Variants in MSI2 observed in about 807,000 individuals in gnomAD.
MSI2 encodes the protein RNA-binding protein Musashi homolog 2.
A neutral mutation model predicts 45.6 loss-of-function variants in MSI2; 17 were observed. That is an observed-to-expected ratio of 0.37 (90% CI 0.26 to 0.56). The LOEUF (loss-of-function observed/expected upper bound fraction) is 0.56, where lower values mean the gene tolerates loss of function less well. Ranked by LOEUF, MSI2 falls within the 20% of genes least tolerant of loss-of-function variation. The pLI, the probability that MSI2 is intolerant of heterozygous loss-of-function variation, is 0.77. For missense variants in MSI2, 293 were observed against 444.2 expected, an observed-to-expected ratio of 0.66 and a Z score of 3.06; for synonymous variants, 156 against 158.2, an observed-to-expected ratio of 0.99 and a Z score of 0.11.
At chr17:57,450,311 G>GAA (rs1479899905) in intron 6 of MSI2, 14 of 134,604 alleles carry the variant, frequency 1.0e-4, no homozygotes, top group South Asian at 1.0e-3. Flanking sequence ...AAGAAAGAAA[G>GAA]AAAGAAAGAA....
At chr17:57,696,299 A>T in the MSI2 span, among the ~76,000 whole-genome samples, 35 of 152,316 alleles carry the variant, frequency 2.3e-4, 1 homozygote, top group African/African-American at 7.9e-4. Flanking sequence ...TGGAAGGCTG[A>T]GTGTGGAGCT....
intron 5 of MSI2, among the ~76,000 whole-genome samples, chr17:57,393,075 T>C (rs933695770): frequency 6.6e-6 from 1 of 152,170 alleles, no homozygotes; most frequent in Non-Finnish European, 1.5e-5. Flanking sequence ...ATGCAACTAC[T>C]AATTTACCTG....
At position 57,676,768 on chromosome 17, in the gene MSI2, G is replaced by A. The variant is rs190361932; in HGVS notation, c.946-219G>A. On this transcript the variant is annotated intron_variant, in intron 12 of 13. Transcript: ENST00000284073. ...TGAATCTGGCTTTTGGTTTCCCCCG[G>A]GGTAAGCAGATAGGCTTGGTAGGGG... Among the ~76,000 whole-genome samples the A allele has an allele frequency of 2.5e-3, 375 of 152,324 alleles. 1 individual carries two copies. Among genetic ancestry groups the A allele is most frequent in the African/African-American group, 8.5e-3 (353 of 41,580 alleles).
chr17:57,370,818 A>G (rs1182632181), intron 5 of MSI2, among the ~76,000 whole-genome samples: 1 of 152,310 alleles, frequency 6.6e-6, no homozygotes, highest in East Asian at 1.9e-4. Flanking sequence ...GGATGCACAG[A>G]TCCCTGGTGC....
chr17:57,524,124 C>T (rs1488044910), intron 6 of MSI2, among the ~76,000 whole-genome samples: 2 of 152,260 alleles, frequency 1.3e-5, no homozygotes, highest in Non-Finnish European at 2.9e-5. Context: ...CATCCTGCAT[C>T]AGGCTAGCCT....
intron 8 of MSI2, among the ~76,000 whole-genome samples, chr17:57,603,571 T>G (rs563808858): frequency 1.4e-4 from 22 of 152,334 alleles, no homozygotes; most frequent in African/African-American, 4.6e-4. Flanking sequence ...TTGGGTAGCC[T>G]TGAAGGAATC....
chr17:57,378,880 A>T (rs1435979801), intron 5 of MSI2, among the ~76,000 whole-genome samples: 1 of 152,318 alleles, frequency 6.6e-6, no homozygotes. Flanking sequence ...TGACTGGGAC[A>T]GTAAATGAGT....
chr17:57,693,554 T>A, the MSI2 span, among the ~76,000 whole-genome samples: 1 of 152,260 alleles, frequency 6.6e-6, no homozygotes, highest in Non-Finnish European at 1.5e-5. Flanking sequence ...CATTTCTGTT[T>A]GACTCTTTCT....
intron 2 of MSI2, 83 bp downstream of exon 2, chr17:57,257,221 C>T (rs1225594450): frequency 2.2e-5 from 11 of 497,334 alleles, no homozygotes; most frequent in East Asian, 5.7e-5. Flanking sequence ...TAGGAGCCCC[C>T]CCCCCCCCGC....
chr17:57,454,420 CTT>C (rs1370910540), intron 6 of MSI2, among the ~76,000 whole-genome samples: 1 of 149,950 alleles, frequency 6.7e-6, no homozygotes, highest in Non-Finnish European at 1.5e-5. Flanking sequence ...CTCTCTCTCT[CTT>C]TTTCTTTTTC....
At chr17:57,566,061 T>C (rs1464238991) in intron 7 of MSI2, 2 of 152,158 alleles carry the variant, frequency 1.3e-5, no homozygotes, top group Non-Finnish European at 2.9e-5. Flanking sequence ...TGTGTGAAGA[T>C]GTCACATCTG....
Position 57,566,732 on chromosome 17 carries a change from G to C in MSI2, c.455-30136G>C, listed in dbSNP as rs180706540. ...GGCAGAGCTGAGAAAAGAACTCAACGAAGCTGGGCTTGCCCGAGAGACTGC... is the reference window on the plus strand; with the variant it reads ...GGCAGAGCTGAGAAAAGAACTCAACCAAGCTGGGCTTGCCCGAGAGACTGC... On this transcript the variant is annotated intron_variant, in intron 7 of 13. Transcript: ENST00000284073. Among the ~76,000 whole-genome samples the C allele has an allele frequency of 4.6e-5, 7 of 152,322 alleles. No homozygotes were observed. The East Asian group carries it at 1.3e-3, about 29-fold the overall frequency.
chr17:57,486,648 G>A (rs531293885), intron 6 of MSI2, among the ~76,000 whole-genome samples: 8 of 152,294 alleles, frequency 5.3e-5, no homozygotes, highest in African/African-American at 1.2e-4. Flanking sequence ...CTTCTGGGTA[G>A]ACTGCCTTTT....
At chr17:57,367,116 C>T (rs1462644212) in intron 5 of MSI2, among the ~76,000 whole-genome samples, 2 of 152,082 alleles carry the variant, frequency 1.3e-5, no homozygotes, top group African/African-American at 4.8e-5. Context: ...AAACACACAC[C>T]CAGGTAGGGG....
chr17:57,520,659 T>C (rs1274150616), intron 6 of MSI2, among the ~76,000 whole-genome samples: 2 of 152,162 alleles, frequency 1.3e-5, no homozygotes, highest in Non-Finnish European at 2.9e-5. Flanking sequence ...TTAGGAGATA[T>C]TTTATTTTAT....
In MSI2 at chr17:57,587,010, T is replaced by C. The variant is rs574269095; in HGVS notation, c.455-9858T>C. 6.6e-5 allele frequency among the ~76,000 whole-genome samples: 10 copies of C among 152,256 alleles called. 2 individuals are homozygous for C. Among genetic ancestry groups the C allele is most frequent in the African/African-American group, 2.4e-4 (10 of 41,552 alleles). ...GTCAGGCTTGCGTCAGCATCAGAAT[T>C]ACCAGAGACCTGGGTAAAAACGCAG... On this transcript the variant is annotated intron_variant, in intron 7 of 13. Transcript: ENST00000284073.
At chr17:57,542,705 C>T (rs577360571) in intron 7 of MSI2, among the ~76,000 whole-genome samples, 9 of 152,316 alleles carry the variant, frequency 5.9e-5, no homozygotes, top group Non-Finnish European at 1.0e-4. Flanking sequence ...AGCCTTCCAG[C>T]TTTCAAACCC....
intron 5 of MSI2, chr17:57,286,002 A>G: frequency 6.5e-7 from 1 of 1,531,604 alleles, no homozygotes; most frequent in Non-Finnish European, 8.7e-7. Flanking sequence ...TATTCCTGCA[A>G]TCTGATGAGG....
intron 9 of MSI2, among the ~76,000 whole-genome samples, chr17:57,623,292 G>C (rs761506284): frequency 2.0e-4 from 31 of 152,134 alleles, no homozygotes; most frequent in Non-Finnish European, 4.1e-4. Context: ...CCTGTCTCTT[G>C]TCTCTTTCAA....
Sources: gnomAD v4.1 joint callset for allele counts (sites outside exome capture counted in the v4.1 genomes callset) on GRCh38, gnomAD v4.1.1 for gene constraint, MANE v1.5 for transcripts, NCBI Gene and HGNC (gene_info 2026-07-23, HGNC 2026-07-21) for gene names.